Variants in CNGB3 observed in about 807,000 individuals in gnomAD.
The protein encoded by CNGB3 is cyclic nucleotide-gated channel beta-3.
Under a neutral mutation model 92.8 loss-of-function variants are expected in CNGB3, and 86 were observed. The observed-to-expected ratio is 0.93, with a 90% CI of 0.78 to 1.11. The LOEUF (loss-of-function observed/expected upper bound fraction) is 1.11. Among genes scored for constraint, CNGB3 ranks in the 50% least tolerant of loss-of-function variants. The pLI, the probability that CNGB3 is intolerant of heterozygous loss-of-function variation, is 0.00. For missense variants in CNGB3, 1,026 were observed against 956.8 expected, an observed-to-expected ratio of 1.07 and a Z score of -0.95; for synonymous variants, 333 against 332.7, an observed-to-expected ratio of 1.00 and a Z score of -0.01.
chr8:86,673,048 T>A (rs1823891398), intron 3 of CNGB3, among the ~76,000 whole-genome samples: 1 of 152,220 alleles, frequency 6.6e-6, no homozygotes, highest in South Asian at 2.1e-4. Flanking sequence ...TTCTTAAAGG[T>A]GTGCTTAGAA....
At chr8:86,628,586 G>A (rs769666625) in intron 12 of CNGB3, among the ~76,000 whole-genome samples, 1 of 152,042 alleles carries the variant, frequency 6.6e-6, no homozygotes, top group Admixed American at 6.6e-5. Context: ...TCAGTTAGGA[G>A]CCTCCATTTT....
chr8:86,644,538 G>T, intron 9 of CNGB3, 84 bp downstream of exon 9: 2 of 1,533,172 alleles, frequency 1.3e-6, no homozygotes, highest in South Asian at 1.2e-5. Flanking sequence ...TTGAAGAGGG[G>T]GGTCATATCC....
intron 3 of CNGB3, among the ~76,000 whole-genome samples, chr8:86,713,646 GCT>G (rs1824792005): frequency 6.6e-6 from 1 of 152,056 alleles, no homozygotes; most frequent in South Asian, 2.1e-4. Flanking sequence ...AGAATTGCAT[GCT>G]CTCTCTGTCA....
chr8:86,619,795 A>G (rs1822690845), intron 13 of CNGB3, among the ~76,000 whole-genome samples: 1 of 133,428 alleles, frequency 7.5e-6, no homozygotes. Context: ...ATACAGAGGC[A>G]CAATCATGGC....
At chr8:86,696,848 C>T (rs1824458888) in intron 3 of CNGB3, among the ~76,000 whole-genome samples, 1 of 152,024 alleles carries the variant, frequency 6.6e-6, no homozygotes, top group Non-Finnish European at 1.5e-5. Context: ...TCCGTTCAGC[C>T]ACAGTATGTC....
chr8:86,611,621 A>G lies in CNGB3; in HGVS notation c.1629T>C (p.Val543=), dbSNP rs1822524393. 5 of 1,613,578 alleles carry G rather than the reference A, an allele frequency of 3.1e-6. No individual in the cohort carries two copies. The East Asian group carries it at 6.7e-5, about 22-fold the overall frequency. ...AGACAAAGTCACCAGGCAAATAGAG[A>G]ACGGATTTCAATCTTAGCAACATGT... ...IYDMLLRLKS[V]LYLPGDFVCK... The change falls in exon 14 of 18, where the codon GTT becomes GTC. Residue 543 remains valine, a synonymous_variant. Coordinates refer to ENST00000320005, the MANE Select transcript of CNGB3 (RefSeq NM_019098.5).
intron 2 of CNGB3, among the ~76,000 whole-genome samples, chr8:86,733,966 C>T (rs977870866): frequency 1.3e-5 from 2 of 152,036 alleles, no homozygotes; most frequent in African/African-American, 4.8e-5. Context: ...CTCCTGGGCT[C>T]AAGTAATCTT....
chr8:86,644,665 TAAATTCAAA>T lies in CNGB3; in HGVS notation c.1003_1011del (p.Phe335_Phe337del), dbSNP rs745456939. 4 of 1,589,286 alleles carry T rather than the reference TAAATTCAAA, an allele frequency of 2.5e-6. No individual in the cohort carries two copies. The East Asian group carries it at 9.0e-5, about 36-fold the overall frequency. ...TCCATTATAGACTCTAGGTGATGAT[TAAATTCAAA>T]AAATGAAGTGTACTATATAGAAAAG... On this transcript the variant is annotated inframe_deletion, in exon 9 of 18. Coordinates refer to ENST00000320005, the MANE Select transcript of CNGB3 (RefSeq NM_019098.5).
chr8:86,616,824 G>A (rs1292823474), intron 13 of CNGB3, among the ~76,000 whole-genome samples: 2 of 152,078 alleles, frequency 1.3e-5, no homozygotes, highest in African/African-American at 4.8e-5. Context: ...GAAGCCTGTC[G>A]ACTTTCTCTA....
chr8:86,660,826 T>G, intron 6 of CNGB3: 1 of 454,194 alleles, frequency 2.2e-6, no homozygotes, highest in Non-Finnish European at 4.6e-6. Flanking sequence ...ATACCAATAC[T>G]AATAACTTGG....
intron 15 of CNGB3, among the ~76,000 whole-genome samples, chr8:86,587,905 T>G (rs1446656594): frequency 3.9e-5 from 6 of 152,176 alleles, no homozygotes; most frequent in Non-Finnish European, 5.9e-5. Flanking sequence ...GGGGATTGCA[T>G]TGAATCTGTA....
chr8:86,612,188 A>G (rs555389259), intron 13 of CNGB3, among the ~76,000 whole-genome samples: 45 of 149,476 alleles, frequency 3.0e-4, no homozygotes, highest in African/African-American at 7.1e-4. Context: ...TAAGGCAGGG[A>G]AAAAAAAAGT....
chr8:86,580,646 A>G (rs1821745888), intron 15 of CNGB3, among the ~76,000 whole-genome samples: 1 of 152,256 alleles, frequency 6.6e-6, no homozygotes, highest in African/African-American at 2.4e-5. Context: ...CATTTGAGAA[A>G]TAAGCAAAAA....
At chr8:86,577,161 T>A (rs1821677563) in intron 17 of CNGB3, among the ~76,000 whole-genome samples, 1 of 152,090 alleles carries the variant, frequency 6.6e-6, no homozygotes, top group African/African-American at 2.4e-5. Context: ...ACAATAACAT[T>A]TGAGTTTCTT....
At chr8:86,703,879 A>G (rs1319187213) in intron 3 of CNGB3, 1 of 152,108 alleles carries the variant, frequency 6.6e-6, no homozygotes, top group Non-Finnish European at 1.5e-5. Context: ...TTTCAAATTT[A>G]CTATTGTGGA....
chr8:86,737,027 G>C (rs1369517221), intron 2 of CNGB3, among the ~76,000 whole-genome samples: 5 of 151,976 alleles, frequency 3.3e-5, no homozygotes, highest in African/African-American at 1.2e-4. Flanking sequence ...TTTCTCCTCG[G>C]ATAAGTCAAT....
chr8:86,725,784 T>G (rs1306398523), intron 3 of CNGB3, among the ~76,000 whole-genome samples: 1 of 152,192 alleles, frequency 6.6e-6, no homozygotes, highest in African/African-American at 2.4e-5. Context: ...TTTTAACTTC[T>G]TTATAAGTGA....
At chr8:86,600,675 T>A (rs1822277856) in intron 15 of CNGB3, among the ~76,000 whole-genome samples, 1 of 150,360 alleles carries the variant, frequency 6.7e-6, no homozygotes, top group Non-Finnish European at 1.5e-5. Flanking sequence ...AGTGGCGCGA[T>A]CTCGGCTCAC....
chr8:86,635,852 A>G (rs1170016358), intron 10 of CNGB3, among the ~76,000 whole-genome samples: 1 of 77,176 alleles, frequency 1.3e-5, no homozygotes, highest in African/African-American at 6.7e-5. Flanking sequence ...ATATATATAT[A>G]TATATATATA....
Sources: gnomAD v4.1 joint callset for allele counts (sites outside exome capture counted in the v4.1 genomes callset) on GRCh38, gnomAD v4.1.1 for gene constraint, MANE v1.5 for transcripts, NCBI Gene and HGNC (gene_info 2026-07-23, HGNC 2026-07-21) for gene names.